IMMP2L: variants seen among roughly 807,000 people sequenced by gnomAD.
IMMP2L encodes the protein inner mitochondrial membrane peptidase subunit 2.
IMMP2L carries 18 observed loss-of-function variants against 19.3 expected under a neutral mutation model. That is an observed-to-expected ratio of 0.93 (90% confidence interval 0.64 to 1.38). IMMP2L has a LOEUF of 1.38. Ranked by LOEUF, IMMP2L falls within the 40% of genes most tolerant of loss-of-function variation. The pLI is 0.00. For missense variants in IMMP2L, 233 were observed against 218.2 expected (o/e 1.07, Z -0.43); for synonymous variants, 76 against 73.0 (o/e 1.04, Z -0.21).
intron 3 of IMMP2L, among the ~76,000 whole-genome samples, chr7:111,193,520 A>G (rs948024027): frequency 6.6e-6 from 1 of 152,176 alleles, no homozygotes; most frequent in Non-Finnish European, 1.5e-5. Context: ...AACGACTTTT[A>G]AAGAAAATAT....
intron 3 of IMMP2L, among the ~76,000 whole-genome samples, chr7:111,198,565 C>A (rs1809747196): frequency 6.6e-6 from 1 of 152,190 alleles, no homozygotes; most frequent in Admixed American, 6.5e-5. Context: ...ATGCTGCAAT[C>A]AAACTGGAAT....
At chr7:111,327,603 T>C (rs1375468135) in intron 3 of IMMP2L, among the ~76,000 whole-genome samples, 2 of 151,482 alleles carry the variant, frequency 1.3e-5, no homozygotes, top group African/African-American at 2.4e-5. Flanking sequence ...AAAATAAATA[T>C]AGGAAAATTC....
intron 5 of IMMP2L, among the ~76,000 whole-genome samples, chr7:110,813,217 T>C (rs958914933): frequency 1.3e-5 from 2 of 152,072 alleles, no homozygotes; most frequent in Non-Finnish European, 2.9e-5. Context: ...CTTTATTCAA[T>C]AACTAATTCT....
rs1796070744 is a variant in IMMP2L, at chr7:110,728,902, CTGTT to C, written c.409-65185_409-65182del. ...AAGTGGGATAAACAGTTGTATTAGT[CTGTT>C]TTGTTTTGTTTTGTTTTGTTTTCAC... On this transcript the variant is annotated intron_variant, in intron 5 of 5. Coordinates refer to ENST00000405709, the MANE Select transcript of IMMP2L (RefSeq NM_032549.4). The surrounding 1 kb of genome is among the most constrained non-coding windows in gnomAD (Gnocchi z 4.6). Among the ~76,000 whole-genome samples, 1 of 151,944 alleles carries C rather than the reference CTGTT, an allele frequency of 6.6e-6. No individual in the cohort carries two copies.
intron 3 of IMMP2L, among the ~76,000 whole-genome samples, chr7:110,969,405 A>G (rs1585507518): frequency 6.6e-6 from 1 of 152,082 alleles, no homozygotes; most frequent in East Asian, 1.9e-4. Flanking sequence ...TTTGGGGTTC[A>G]TTCATAAAAT....
chr7:110,941,809 T>A (rs764381111), intron 4 of IMMP2L, among the ~76,000 whole-genome samples: 1 of 152,194 alleles, frequency 6.6e-6, no homozygotes, highest in African/African-American at 2.4e-5. Flanking sequence ...AATAACTGAA[T>A]GCATCTGCAA....
At chr7:111,100,246 T>C (rs1224163194) in intron 3 of IMMP2L, among the ~76,000 whole-genome samples, 6 of 151,556 alleles carry the variant, frequency 4.0e-5, no homozygotes, top group African/African-American at 1.5e-4. Context: ...CAGTGTACAC[T>C]GTACCCAATG....
chr7:111,354,306 T>C (rs1412175889), intron 3 of IMMP2L, among the ~76,000 whole-genome samples: 2 of 151,876 alleles, frequency 1.3e-5, no homozygotes, highest in East Asian at 1.9e-4. Flanking sequence ...AACAGATAAA[T>C]AGAGAACATA....
At chr7:111,391,698 C>T (rs1236451896) in intron 3 of IMMP2L, 10 of 506,220 alleles carry the variant, frequency 2.0e-5, no homozygotes, top group Non-Finnish European at 2.8e-5. Context: ...AATGACTATC[C>T]AAAGATGCAA....
chr7:111,190,942 CA>C (rs1808795344), intron 3 of IMMP2L, among the ~76,000 whole-genome samples: 1 of 152,026 alleles, frequency 6.6e-6, no homozygotes, highest in African/African-American at 2.4e-5. Flanking sequence ...GTCAAACACC[CA>C]ATAAAAAGCC....
chr7:111,399,741 A>G (rs2131397111), intron 3 of IMMP2L, among the ~76,000 whole-genome samples: 1 of 152,120 alleles, frequency 6.6e-6, no homozygotes, highest in South Asian at 2.1e-4. Context: ...AACATTTCCT[A>G]CCTTTTAAAC....
chr7:110,725,563 C>T (rs948350761), intron 5 of IMMP2L: 1 of 152,010 alleles, frequency 6.6e-6, no homozygotes, highest in African/African-American at 2.4e-5. Flanking sequence ...TTAGATTCAA[C>T]CATTCAACAA....
chr7:111,064,776 G>A (rs1274121151), intron 3 of IMMP2L, among the ~76,000 whole-genome samples: 1 of 152,168 alleles, frequency 6.6e-6, no homozygotes, highest in Non-Finnish European at 1.5e-5. Context: ...GGGTTACAGT[G>A]TTGGCTTGGG....
chr7:111,011,426 C>T (rs1824943668), intron 3 of IMMP2L, among the ~76,000 whole-genome samples: 1 of 152,072 alleles, frequency 6.6e-6, no homozygotes, highest in African/African-American at 2.4e-5. Context: ...AAAATGCATG[C>T]ACAACAGATA....
At chr7:111,446,251 G>A (rs1289382150) in intron 3 of IMMP2L, among the ~76,000 whole-genome samples, 1 of 151,824 alleles carries the variant, frequency 6.6e-6, no homozygotes, top group Non-Finnish European at 1.5e-5. Flanking sequence ...ACCTCTGGGG[G>A]CAGGGCACAG....
At chr7:110,975,851 C>G (rs1432197247) in intron 3 of IMMP2L, among the ~76,000 whole-genome samples, 1 of 152,100 alleles carries the variant, frequency 6.6e-6, no homozygotes, top group Non-Finnish European at 1.5e-5. Flanking sequence ...TGTAAACTAA[C>G]AGTATATCAG....
chr7:111,188,819 T>C (rs576256357), intron 3 of IMMP2L, among the ~76,000 whole-genome samples: 3 of 152,300 alleles, frequency 2.0e-5, no homozygotes, highest in African/African-American at 7.2e-5. Flanking sequence ...TCATTACTCA[T>C]ATTAGCTTAT....
intron 5 of IMMP2L, among the ~76,000 whole-genome samples, chr7:110,730,581 T>C (rs1295236949): frequency 6.6e-6 from 1 of 150,682 alleles, no homozygotes; most frequent in Non-Finnish European, 1.5e-5. Context: ...CAGGCTGGAG[T>C]GCATGCCATC....
At chr7:110,889,039 C>T (rs1054020340) in intron 4 of IMMP2L, among the ~76,000 whole-genome samples, 14 of 152,136 alleles carry the variant, frequency 9.2e-5, no homozygotes, top group African/African-American at 2.4e-4. Flanking sequence ...AATTTTGATA[C>T]GATTACTCAC....
Sources: allele counts gnomAD v4.1 joint callset (sites outside exome capture counted in the v4.1 genomes callset), GRCh38; gene constraint gnomAD v4.1.1; non-coding constraint Gnocchi (gnomAD v3.1); transcripts MANE v1.5; gene names NCBI Gene and HGNC (gene_info 2026-07-23, HGNC 2026-07-21).